The following NRXN3 variants were observed in gnomAD, a reference collection of about 807,000 sequenced individuals.
NRXN3 encodes the protein neurexin III.
In NRXN3, 32 loss-of-function variants were observed where a neutral mutation model predicts 137.6. The observed-to-expected ratio is 0.23, with a 90% CI of 0.18 to 0.31. The LOEUF (loss-of-function observed/expected upper bound fraction) is 0.31, where lower values mean the gene tolerates loss of function less well. Among genes scored for constraint, NRXN3 ranks in the 10% least tolerant of loss-of-function variants. NRXN3 has a pLI of 1.00. For missense variants in NRXN3, 1,574 were observed against 2,062.5 expected (o/e 0.76, Z 4.59); for synonymous variants, 798 against 784.5 (o/e 1.02, Z -0.29).
At chr14:79,245,203 A>G (rs2153357899) in intron 15 of NRXN3, among the ~76,000 whole-genome samples, 1 of 152,304 alleles carries the variant, frequency 6.6e-6, no homozygotes, top group East Asian at 1.9e-4. Flanking sequence ...TTCAATCTCT[A>G]GTTCCAGCAC....
At chr14:79,347,444 C>G (rs2092946138) in intron 15 of NRXN3, among the ~76,000 whole-genome samples, 1 of 148,344 alleles carries the variant, frequency 6.7e-6, no homozygotes, top group Non-Finnish European at 1.5e-5. Context: ...TTTTTTGAAA[C>G]AGAGTCTCGC....
At chr14:78,961,530 C>T (rs1307809284) in intron 11 of NRXN3, among the ~76,000 whole-genome samples, 1 of 152,246 alleles carries the variant, frequency 6.6e-6, no homozygotes, top group South Asian at 2.1e-4. Context: ...TCAATCATTT[C>T]GGAGGAAGGG....
chr14:78,655,879 G>A (rs2097780528), intron 6 of NRXN3, among the ~76,000 whole-genome samples: 2 of 152,096 alleles, frequency 1.3e-5, no homozygotes, highest in Non-Finnish European at 1.5e-5. Context: ...GTTCTGGTGA[G>A]GGCCCTCTTC....
chr14:78,988,131 G>A lies in NRXN3; in HGVS notation c.3252G>A (p.Gln1084=). ...DCSMTSYSGN[Q]CNDPGATYIF... is the part of the protein sequence containing the mutation. ...CTATGACCTCTTATTCTGGAAACCA[G>A]TGCAATGATCGTAAGTACAACAACC... The change falls in exon 15 of 21, where the codon CAG becomes CAA. Residue 1084 remains glutamine, a synonymous_variant. Coordinates refer to ENST00000335750, the MANE Select transcript of NRXN3 (RefSeq NM_001330195.2). 1 of 1,613,844 alleles carries A rather than the reference G, an allele frequency of 6.2e-7. No homozygotes were observed. The highest frequency in any genetic ancestry group is 8.5e-7 in the Non-Finnish European group (1 of 1,179,826).
intron 4 of NRXN3, among the ~76,000 whole-genome samples, chr14:78,644,107 C>G (rs557815330): frequency 6.8e-6 from 1 of 146,484 alleles, no homozygotes; most frequent in East Asian, 2.0e-4. Flanking sequence ...CACCACTGCA[C>G]TCCAGCCTGG....
intron 10 of NRXN3, among the ~76,000 whole-genome samples, chr14:78,862,915 C>T (rs1241115009): frequency 6.6e-6 from 1 of 152,118 alleles, no homozygotes; most frequent in Non-Finnish European, 1.5e-5. Context: ...AACCATTTGA[C>T]ATTTCCTTGT....
At chr14:78,275,733 C>T (rs1194437236) in intron 2 of NRXN3, among the ~76,000 whole-genome samples, 1 of 152,082 alleles carries the variant, frequency 6.6e-6, no homozygotes, top group Non-Finnish European at 1.5e-5. Flanking sequence ...GACTACTACC[C>T]TTGGAGCTCA....
At chr14:79,304,644 G>C (rs1038543996) in intron 15 of NRXN3, among the ~76,000 whole-genome samples, 4 of 152,046 alleles carry the variant, frequency 2.6e-5, no homozygotes, top group African/African-American at 9.7e-5. Context: ...AATTATAAGT[G>C]TGATTGGTTG....
In NRXN3 at chr14:79,644,933, G is replaced by A. The variant is rs137954687; in HGVS notation, c.3445-18845G>A. Among the ~76,000 whole-genome samples the A allele has an allele frequency of 7.4e-5, 10 of 135,558 alleles. 1 individual carries two copies. Among genetic ancestry groups the A allele is most frequent in the Non-Finnish European group, 1.4e-4 (8 of 58,254 alleles). The allele number at this position is 135,558 out of a possible 152,430, so 88.9% of individuals were successfully genotyped here. A position where few individuals can be genotyped will look rare whatever the true frequency, so the allele number is the denominator to read the frequency against. On this transcript the variant is annotated intron_variant, in intron 16 of 20. Coordinates refer to ENST00000335750, the MANE Select transcript of NRXN3 (RefSeq NM_001330195.2). ...CCAAATGACTTGGTCACTGCTGCTC[G>A]ACTCATGTGAAACAGTCCAGGGTTA...
intron 1 of NRXN3, among the ~76,000 whole-genome samples, chr14:78,207,236 G>A (rs10132342): frequency 0.9 from 136,827 of 152,172 alleles, 61,840 homozygotes; most frequent in African/African-American, 0.98. Flanking sequence ...CTTAAAGCCT[G>A]TGAAAACCCA....
At chr14:79,573,450 T>C (rs2097631776) in intron 16 of NRXN3, among the ~76,000 whole-genome samples, 1 of 152,064 alleles carries the variant, frequency 6.6e-6, no homozygotes, top group South Asian at 2.1e-4. Flanking sequence ...AGTTTTCAGT[T>C]CTTTGAAAAA....
intron 15 of NRXN3, among the ~76,000 whole-genome samples, chr14:79,390,103 G>A (rs1204628732): frequency 6.6e-6 from 1 of 151,888 alleles, no homozygotes; most frequent in Non-Finnish European, 1.5e-5. Flanking sequence ...GGATCACGAG[G>A]TCAGGAGATC....
At chr14:78,673,571 A>G (rs959755813) in intron 6 of NRXN3, among the ~76,000 whole-genome samples, 2 of 152,228 alleles carry the variant, frequency 1.3e-5, no homozygotes, top group African/African-American at 4.8e-5. Flanking sequence ...AGAATACCAT[A>G]GACTGGGTGG....
intron 4 of NRXN3, among the ~76,000 whole-genome samples, chr14:78,391,847 A>G (rs1027311106): frequency 3.3e-5 from 5 of 152,216 alleles, no homozygotes; most frequent in African/African-American, 1.2e-4. Context: ...TATTTTCACA[A>G]CAGCCAAAAA....
chr14:79,273,022 A>AT (rs1399948024), intron 15 of NRXN3, among the ~76,000 whole-genome samples: 1 of 151,800 alleles, frequency 6.6e-6, no homozygotes, highest in Non-Finnish European at 1.5e-5. Flanking sequence ...AATACAAAAA[A>AT]TTAGCTGGGC....
intron 15 of NRXN3, among the ~76,000 whole-genome samples, chr14:79,060,826 T>TTG (rs1287627370): frequency 6.6e-6 from 1 of 152,090 alleles, no homozygotes; most frequent in African/African-American, 2.4e-5. Context: ...TATGAGTGTG[T>TTG]TGTGTTACAG....
intron 9 of NRXN3, among the ~76,000 whole-genome samples, chr14:78,809,314 G>C (rs940983699): frequency 3.4e-5 from 3 of 88,672 alleles, no homozygotes; most frequent in African/African-American, 1.0e-4. Flanking sequence ...CTCTCCTCAA[G>C]ATGTGGAATC....
At chr14:79,850,475 G>A (rs2141701372) in intron 20 of NRXN3, among the ~76,000 whole-genome samples, 1 of 152,244 alleles carries the variant, frequency 6.6e-6, no homozygotes, top group East Asian at 1.9e-4. Context: ...AAGCAGTTCA[G>A]AAACATTTCT....
chr14:79,795,548 C>G (rs1014974943), intron 19 of NRXN3, among the ~76,000 whole-genome samples: 1 of 152,128 alleles, frequency 6.6e-6, no homozygotes, highest in Non-Finnish European at 1.5e-5. Context: ...CAAATTGACT[C>G]TCATTTTTCC....
Sources: gnomAD v4.1 joint callset for allele counts (sites outside exome capture counted in the v4.1 genomes callset) on GRCh38, gnomAD v4.1.1 for gene constraint, MANE v1.5 for transcripts, NCBI Gene and HGNC (gene_info 2026-07-23, HGNC 2026-07-21) for gene names.